Variants in TRPM3 observed in about 807,000 individuals in gnomAD.
TRPM3 encodes the protein long transient receptor potential channel 3.
A neutral mutation model predicts 181.2 loss-of-function variants in TRPM3; 77 were observed. The observed-to-expected ratio is 0.42, with a 90% CI of 0.35 to 0.51. TRPM3 has a LOEUF of 0.51. Among genes scored for constraint, TRPM3 ranks in the 20% least tolerant of loss-of-function variants. TRPM3 has a pLI of 0.01. For synonymous variants in TRPM3, 745 were observed against 796.4 expected, an observed-to-expected ratio of 0.94 and a Z score of 1.09; for missense variants, 1,759 against 2,196.7, an observed-to-expected ratio of 0.80 and a Z score of 3.98.
At chr9:71,342,271 A>AT (rs1406294825) in intron 1 of TRPM3, among the ~76,000 whole-genome samples, 105 of 124,928 alleles carry the variant, frequency 8.4e-4, no homozygotes, top group Admixed American at 1.5e-3. Context: ...TATATATATA[A>AT]ATAAATATAT....
At chr9:71,227,610 A>G (rs926758426) in intron 1 of TRPM3, among the ~76,000 whole-genome samples, 1 of 150,570 alleles carries the variant, frequency 6.6e-6, no homozygotes, top group African/African-American at 2.4e-5. Flanking sequence ...CAGGAAAAAG[A>G]GAGAGGATCC....
chr9:70,614,531 T>C (rs1043856692), intron 18 of TRPM3, among the ~76,000 whole-genome samples: 1 of 152,102 alleles, frequency 6.6e-6, no homozygotes, highest in African/African-American at 2.4e-5. Flanking sequence ...GGGATAATAA[T>C]AGTGCCTATC....
intron 15 of TRPM3, 45 bp from the exon 16 acceptor site, chr9:70,620,410 G>A: frequency 6.4e-7 from 1 of 1,551,184 alleles, no homozygotes; most frequent in Non-Finnish European, 8.8e-7. Context: ...GAAATGAATT[G>A]GTTCATTTCA....
At chr9:70,672,538 A>C (rs2063170649) in intron 9 of TRPM3, among the ~76,000 whole-genome samples, 1 of 152,202 alleles carries the variant, frequency 6.6e-6, no homozygotes, top group South Asian at 2.1e-4. Context: ...GAGCTTCTTC[A>C]AATTGTGTTT....
chr9:70,596,384 T>G (rs1009343773), intron 21 of TRPM3, among the ~76,000 whole-genome samples: 2 of 152,206 alleles, frequency 1.3e-5, no homozygotes, highest in African/African-American at 2.4e-5. Flanking sequence ...CACAGAGCTG[T>G]TCCATAAATA....
intron 6 of TRPM3, chr9:70,809,917 A>T (rs2131380980): frequency 1.9e-6 from 1 of 530,400 alleles, no homozygotes; most frequent in South Asian, 1.4e-5. Flanking sequence ...AATGATGGAA[A>T]ATTTCATGTC....
Position 70,783,789 on chromosome 9 carries a change from G to C in TRPM3, c.1148+316C>G, listed in dbSNP as rs115896825. On this transcript the variant is annotated intron_variant, in intron 7 of 25. Transcript: ENST00000677713. ...CTTCATGTGTTAAAACTCAATTCCT[G>C]CTTCTCCTTACTGGGAGGAGGAGAA... 4.8e-3 allele frequency: 4,595 copies of C among 958,734 alleles called. 184 individuals are homozygous for C. In the African/African-American group the frequency reaches 0.072, roughly 15 times the overall value. The allele number at this position is 958,734 out of a possible 1,614,324, so 59.4% of individuals were successfully genotyped here. A position where few individuals can be genotyped will look rare whatever the true frequency, so the allele number is the denominator to read the frequency against.
intron 1 of TRPM3, among the ~76,000 whole-genome samples, chr9:70,880,209 A>G (rs1234763265): frequency 2.6e-5 from 4 of 152,010 alleles, no homozygotes; most frequent in Non-Finnish European, 5.9e-5. Context: ...GGTACAGAAC[A>G]TTTTTTTCTT....
chr9:70,553,999 A>C (rs1290885349), intron 22 of TRPM3, among the ~76,000 whole-genome samples: 1 of 151,710 alleles, frequency 6.6e-6, no homozygotes, highest in Non-Finnish European at 1.5e-5. Flanking sequence ...CAGCATTTCC[A>C]TTCCAAAAGT....
intron 1 of TRPM3, among the ~76,000 whole-genome samples, chr9:71,190,721 A>C (rs1158710396): frequency 1.3e-5 from 2 of 152,040 alleles, no homozygotes; most frequent in East Asian, 3.9e-4. Flanking sequence ...GATACAACTT[A>C]TTGCAGGATG....
intron 1 of TRPM3, among the ~76,000 whole-genome samples, chr9:70,878,098 T>C (rs1187246761): frequency 6.6e-6 from 1 of 152,100 alleles, no homozygotes; most frequent in Admixed American, 6.6e-5. Flanking sequence ...TGTGTGTATG[T>C]ATCTTATCCC....
intron 1 of TRPM3, among the ~76,000 whole-genome samples, chr9:71,076,762 C>G (rs2063515341): frequency 1.3e-5 from 2 of 152,118 alleles, no homozygotes; most frequent in Admixed American, 1.3e-4. Context: ...ATGCTCACGG[C>G]CCATCTTGGA....
chr9:70,548,154 G>A (rs898507915), intron 25 of TRPM3, among the ~76,000 whole-genome samples: 7 of 152,130 alleles, frequency 4.6e-5, no homozygotes, highest in African/African-American at 1.7e-4. Flanking sequence ...ACAATTTCCG[G>A]GGAACCACAT....
chr9:70,909,015 A>G (rs999954825), intron 1 of TRPM3, among the ~76,000 whole-genome samples: 1 of 152,252 alleles, frequency 6.6e-6, no homozygotes, highest in African/African-American at 2.4e-5. Context: ...CTAGAAGGTA[A>G]TAAAGCATCT....
At chr9:71,089,423 C>T (rs771155789) in intron 1 of TRPM3, among the ~76,000 whole-genome samples, 2 of 151,234 alleles carry the variant, frequency 1.3e-5, no homozygotes, top group Non-Finnish European at 2.9e-5. Context: ...AGAAAAAAGA[C>T]AATAACAGAC....
chr9:70,817,248 G>C (rs1400768108), intron 6 of TRPM3, among the ~76,000 whole-genome samples: 1 of 152,180 alleles, frequency 6.6e-6, no homozygotes, highest in Non-Finnish European at 1.5e-5. Flanking sequence ...AGCTAAAATG[G>C]TGTGTGTGAC....
intron 1 of TRPM3, among the ~76,000 whole-genome samples, chr9:71,156,265 G>T (rs559319159): frequency 6.6e-6 from 1 of 151,910 alleles, no homozygotes; most frequent in African/African-American, 2.4e-5. Context: ...CATCAGCTGT[G>T]TAGACTTGGG....
intron 6 of TRPM3, chr9:70,827,286 T>A (rs1195755283): frequency 6.6e-6 from 1 of 150,638 alleles, no homozygotes; most frequent in African/African-American, 2.4e-5. Flanking sequence ...TGCTTTTCTG[T>A]TTAGCCACCA....
intron 1 of TRPM3, chr9:70,917,622 C>T: frequency 2.3e-6 from 1 of 433,208 alleles, no homozygotes. Context: ...TTATGGTAGC[C>T]TCAAATCCAA....
Sources: allele counts gnomAD v4.1 joint callset (sites outside exome capture counted in the v4.1 genomes callset), GRCh38; gene constraint gnomAD v4.1.1; transcripts MANE v1.5; gene names NCBI Gene and HGNC (gene_info 2026-07-23, HGNC 2026-07-21).